The following NXPH1 variants were observed in gnomAD, a reference collection of about 807,000 sequenced individuals.
The protein encoded by NXPH1 is neurexophilin-1.
Under a neutral mutation model 23.7 loss-of-function variants are expected in NXPH1, and 5 were observed. The observed-to-expected ratio is 0.21, with a 90% CI of 0.11 to 0.44. The LOEUF (loss-of-function observed/expected upper bound fraction) is 0.44. NXPH1 is among the 20% of genes least tolerant of loss of function. NXPH1 has a pLI of 0.99. For missense variants in NXPH1, 324 were observed against 321.6 expected, an observed-to-expected ratio of 1.01 and a Z score of -0.06; for synonymous variants, 144 against 122.2, an observed-to-expected ratio of 1.18 and a Z score of -1.18.
At chr7:8,613,643 A>G (rs1819667121) in intron 2 of NXPH1, among the ~76,000 whole-genome samples, 2 of 151,978 alleles carry the variant, frequency 1.3e-5, no homozygotes, top group African/African-American at 2.4e-5. Context: ...GGTTCAGAAT[A>G]CAGTTAGTAG....
chr7:8,633,382 C>T (rs111756390), intron 2 of NXPH1, among the ~76,000 whole-genome samples: 2 of 152,282 alleles, frequency 1.3e-5, no homozygotes, highest in East Asian at 3.9e-4. Context: ...GAGCCAAGAT[C>T]GTGCCACTGT....
At chr7:8,529,466 A>T (rs1039187937) in intron 2 of NXPH1, among the ~76,000 whole-genome samples, 1 of 152,142 alleles carries the variant, frequency 6.6e-6, no homozygotes, top group Non-Finnish European at 1.5e-5. Context: ...AGGAGACTTG[A>T]TGGGAGTCAT....
chr7:8,701,743 G>C (rs1779626128), intron 2 of NXPH1, among the ~76,000 whole-genome samples: 1 of 152,034 alleles, frequency 6.6e-6, no homozygotes, highest in South Asian at 2.1e-4. Flanking sequence ...TACAAAGATA[G>C]TCAGTAAATA....
At chr7:8,552,349 T>C (rs1818292712) in intron 2 of NXPH1, among the ~76,000 whole-genome samples, 1 of 151,478 alleles carries the variant, frequency 6.6e-6, no homozygotes. Flanking sequence ...GCACTTTGTT[T>C]GAATGAAAAT....
intron 2 of NXPH1, among the ~76,000 whole-genome samples, chr7:8,455,199 A>C (rs188860606): frequency 6.6e-6 from 1 of 152,194 alleles, no homozygotes; most frequent in Non-Finnish European, 1.5e-5. Context: ...TCCTATATAC[A>C]TAAATCTAAT....
intron 2 of NXPH1, among the ~76,000 whole-genome samples, chr7:8,606,306 T>C (rs932491342): frequency 2.0e-5 from 3 of 152,116 alleles, no homozygotes; most frequent in Admixed American, 1.3e-4. Context: ...GGAAAACTCT[T>C]CTCCTTTTCC....
At chr7:8,688,602 T>C (rs548819296) in intron 2 of NXPH1, among the ~76,000 whole-genome samples, 3 of 152,296 alleles carry the variant, frequency 2.0e-5, no homozygotes, top group African/African-American at 7.2e-5. Flanking sequence ...AGAAAGTAAG[T>C]GATGTTTTAG....
At chr7:8,558,375 GTT>G (rs1818393475) in intron 2 of NXPH1, among the ~76,000 whole-genome samples, 1 of 151,664 alleles carries the variant, frequency 6.6e-6, no homozygotes, top group Admixed American at 6.6e-5. Flanking sequence ...TGGACATCCT[GTT>G]AGACTTGAAG....
At chr7:8,640,616 AATTCTT>A in intron 2 of NXPH1, among the ~76,000 whole-genome samples, 1 of 152,194 alleles carries the variant, frequency 6.6e-6, no homozygotes, top group East Asian at 1.9e-4. Flanking sequence ...ATGGTCTCAT[AATTCTT>A]ATTCTTTTAG....
intron 2 of NXPH1, among the ~76,000 whole-genome samples, chr7:8,492,738 C>G (rs969474938): frequency 2.0e-4 from 30 of 152,072 alleles, no homozygotes; most frequent in African/African-American, 6.7e-4. Flanking sequence ...CTGTTTCTGA[C>G]AGTGGGTCCC....
In NXPH1 at chr7:8,588,011, T is replaced by C. The variant is rs142453111; in HGVS notation, c.54+152244T>C. Among the ~76,000 whole-genome samples, 806 of 152,310 alleles carry C rather than the reference T, an allele frequency of 5.3e-3. 9 individuals are homozygous for C. The highest frequency in any genetic ancestry group is 0.018 in the African/African-American group (754 of 41,578). ...TGTATGAAAAAAAGCTCATCATCAC[T>C]GGTCATTAGAGAAATACAAATCAAA... On this transcript the variant is annotated intron_variant, in intron 2 of 2. Coordinates refer to ENST00000405863, the MANE Select transcript of NXPH1 (RefSeq NM_152745.3).
Position 8,435,787 on chromosome 7 carries a change from G to T in NXPH1, c.54+20G>T. ...TACTTGGTAAGTCTTGGAAGGTTCGGGGCTTTCGCATTTTTACCCCGGCCG... is the reference window on the plus strand; with the variant it reads ...TACTTGGTAAGTCTTGGAAGGTTCGTGGCTTTCGCATTTTTACCCCGGCCG... On this transcript the variant is annotated intron_variant, in intron 2 of 2. Coordinates refer to ENST00000405863, the MANE Select transcript of NXPH1 (RefSeq NM_152745.3). This position sits in a 1 kb window ranked among gnomAD's most constrained non-coding sequence, Gnocchi z 5.9. 1 of 1,613,564 alleles carries T rather than the reference G, an allele frequency of 6.2e-7. No homozygotes were observed.
At chr7:8,623,207 AGAG>A in intron 2 of NXPH1, among the ~76,000 whole-genome samples, 1 of 152,272 alleles carries the variant, frequency 6.6e-6, no homozygotes, top group East Asian at 1.9e-4. Context: ...CTGCAGGTGC[AGAG>A]GAGTGGAGAC....
At chr7:8,450,281 A>G (rs6945018) in intron 2 of NXPH1, among the ~76,000 whole-genome samples, 91,316 of 152,042 alleles carry the variant, frequency 0.6, 29,944 homozygotes, top group East Asian at 0.87. Context: ...GAGTCCTGCC[A>G]TGCTGACAGC....
intron 2 of NXPH1, among the ~76,000 whole-genome samples, chr7:8,639,293 A>G (rs1010540752): frequency 6.6e-6 from 1 of 152,192 alleles, no homozygotes; most frequent in Non-Finnish European, 1.5e-5. Context: ...CTGCCTCTAT[A>G]TGGGCAAATG....
intron 2 of NXPH1, among the ~76,000 whole-genome samples, chr7:8,599,163 TGAA>T (rs1819298069): frequency 6.6e-6 from 1 of 152,180 alleles, no homozygotes; most frequent in South Asian, 2.1e-4. Context: ...GGAGAAGAGA[TGAA>T]GAAGCAGTTC....
At chr7:8,466,865 A>G (rs1040510209) in intron 2 of NXPH1, among the ~76,000 whole-genome samples, 2 of 152,100 alleles carry the variant, frequency 1.3e-5, no homozygotes, top group Non-Finnish European at 2.9e-5. Context: ...GATAGTGGTA[A>G]TGAGCACAGG....
At chr7:8,726,735 T>C (rs1307161404) in intron 2 of NXPH1, among the ~76,000 whole-genome samples, 1 of 149,482 alleles carries the variant, frequency 6.7e-6, no homozygotes, top group African/African-American at 2.5e-5. Flanking sequence ...CAGTCTATCG[T>C]TGTTGGACAT....
intron 2 of NXPH1, among the ~76,000 whole-genome samples, chr7:8,595,192 TATAAATAAATAA>T (rs145588981): frequency 0.3 from 45,199 of 151,400 alleles, 7,798 homozygotes; most frequent in African/African-American, 0.47. Context: ...CTTCTGCCAG[TATAAATAAATAA>T]ATAAATAAAT....
Sources: allele counts gnomAD v4.1 joint callset (sites outside exome capture counted in the v4.1 genomes callset), GRCh38; gene constraint gnomAD v4.1.1; non-coding constraint Gnocchi (gnomAD v3.1); transcripts MANE v1.5; gene names NCBI Gene and HGNC (gene_info 2026-07-23, HGNC 2026-07-21).